LANCL2: variants seen among roughly 807,000 people sequenced by gnomAD.
LANCL2 encodes the protein lanC-like protein 2.
In LANCL2, 33 loss-of-function variants were observed where a neutral mutation model predicts 56.9. The ratio of observed to expected loss-of-function variants is 0.58; its 90% CI spans 0.44 to 0.78. The LOEUF (loss-of-function observed/expected upper bound fraction) is 0.78. LANCL2 is among the 30% of genes least tolerant of loss of function. The pLI is 0.00. For synonymous variants in LANCL2, 233 were observed against 228.2 expected (o/e 1.02, Z -0.19); for missense variants, 562 against 580.2 (o/e 0.97, Z 0.32).
At chr7:55,408,389 G>C (rs1319690132) in intron 5 of LANCL2, among the ~76,000 whole-genome samples, 2 of 152,020 alleles carry the variant, frequency 1.3e-5, no homozygotes. Context: ...GACATAGGCT[G>C]GGCGCAGTGG....
intron 3 of LANCL2, among the ~76,000 whole-genome samples, chr7:55,399,335 A>G (rs1401617976): frequency 2.2e-5 from 3 of 139,320 alleles, no homozygotes; most frequent in African/African-American, 7.9e-5. Flanking sequence ...CATTGGTGAC[A>G]TTGCAGTCCT....
intron 1 of LANCL2, among the ~76,000 whole-genome samples, chr7:55,378,530 A>G (rs1236257099): frequency 9.8e-6 from 1 of 102,104 alleles, no homozygotes; most frequent in Non-Finnish European, 2.0e-5. Flanking sequence ...ATATATATGT[A>G]TACGTGTGTG....
intron 1 of LANCL2, among the ~76,000 whole-genome samples, chr7:55,368,420 A>C (rs2128990592): frequency 6.6e-6 from 1 of 152,336 alleles, no homozygotes; most frequent in South Asian, 2.1e-4. Flanking sequence ...AATGGACATC[A>C]TATTATTCTT....
At chr7:55,371,650 GT>G (rs1789944761) in intron 1 of LANCL2, among the ~76,000 whole-genome samples, 1 of 152,084 alleles carries the variant, frequency 6.6e-6, no homozygotes, top group Non-Finnish European at 1.5e-5. Context: ...TCTTGTAGGA[GT>G]TTTATAGTTT....
In LANCL2 at chr7:55,365,989, A is replaced by T. The variant is rs962200044; in HGVS notation, c.-37A>T. 2.3e-5 allele frequency: 32 copies of T among 1,370,946 alleles called. No individual in the cohort carries two copies. The highest frequency in any genetic ancestry group is 3.0e-5 in the Non-Finnish European group (31 of 1,047,376). 84.9% of individuals were successfully genotyped at this position (1,370,946 alleles called of 1,614,324 possible). On this transcript the variant is annotated 5_prime_UTR_variant, in exon 1 of 9. Coordinates refer to ENST00000254770, the MANE Select transcript of LANCL2 (RefSeq NM_018697.4). ...GGGCGAGCTGCAGCGCCGGGACAGGAGGTTTGTCCCCGCCCGCGCGCCGTA... is the reference window on the plus strand; with the variant it reads ...GGGCGAGCTGCAGCGCCGGGACAGGTGGTTTGTCCCCGCCCGCGCGCCGTA...
chr7:55,413,304 A>C (rs1245908542), intron 6 of LANCL2, among the ~76,000 whole-genome samples: 1 of 152,244 alleles, frequency 6.6e-6, no homozygotes, highest in Non-Finnish European at 1.5e-5. Context: ...GTGTGAGCAC[A>C]ATATTGACTG....
At chr7:55,399,757 G>C (rs1307776443) in intron 3 of LANCL2, among the ~76,000 whole-genome samples, 200 bp from the exon 4 acceptor site, 11 of 152,132 alleles carry the variant, frequency 7.2e-5, no homozygotes, top group Admixed American at 7.2e-4. Context: ...AAGATGTTTT[G>C]TTTTTAATTT....
intron 1 of LANCL2, among the ~76,000 whole-genome samples, chr7:55,370,912 A>G (rs767473704): frequency 1.3e-5 from 2 of 152,242 alleles, no homozygotes; most frequent in Non-Finnish European, 2.9e-5. Context: ...TTAAAATTGT[A>G]TATTTAAGGT....
rs1211778618 is a variant in LANCL2 at position 55,366,112 on chromosome 7, G to C, written c.87G>C (p.Pro29=). 4.5e-6 allele frequency: 7 copies of C among 1,544,452 alleles called. No individual in the cohort carries two copies. The African/African-American group carries it at 9.7e-5, about 21-fold the overall frequency. Residue 29 remains proline, a synonymous_variant, in exon 1 of 9, where the codon CCG becomes CCC. Coordinates refer to ENST00000254770, the MANE Select transcript of LANCL2 (RefSeq NM_018697.4). ...MEERAFVNPF[P]DYEAAAGALL... is the part of the protein sequence containing the mutation. ...AACGGGCGTTCGTCAACCCCTTCCC[G>C]GACTACGAGGCCGCCGCCGGGGCGC...
intron 1 of LANCL2, among the ~76,000 whole-genome samples, chr7:55,373,738 C>A (rs1454940910): frequency 2.0e-5 from 3 of 151,986 alleles, no homozygotes; most frequent in African/African-American, 7.2e-5. Flanking sequence ...TTTAATGATA[C>A]AATTTTGTAT....
chr7:55,412,598 T>C (rs1019582521), intron 6 of LANCL2, among the ~76,000 whole-genome samples: 1 of 152,270 alleles, frequency 6.6e-6, no homozygotes, highest in Admixed American at 6.5e-5. Flanking sequence ...AAACCTTCAC[T>C]GATTAATTCT....
chr7:55,414,558 C>A (rs1301648564), intron 6 of LANCL2, among the ~76,000 whole-genome samples: 1 of 152,162 alleles, frequency 6.6e-6, no homozygotes, highest in South Asian at 2.1e-4. Context: ...TCCAGACTCA[C>A]AAAATTTATT....
rs1583740707 is a variant in LANCL2 at position 55,373,244 on chromosome 7, A to T, written c.204+7015A>T. ...TGAGAACAGGAATTTTTTCTTGAAC[A>T]TACTTGAGTTATTATTTTTTAATTT... On this transcript the variant is annotated intron_variant, in intron 1 of 8. Transcript: ENST00000254770. 2.0e-5 allele frequency among the ~76,000 whole-genome samples: 3 copies of T among 151,704 alleles called. No individual in the cohort carries two copies. The East Asian group carries it at 5.8e-4, about 29-fold the overall frequency.
intron 1 of LANCL2, among the ~76,000 whole-genome samples, chr7:55,378,652 A>G (rs114711915): frequency 0.012 from 1,827 of 152,302 alleles, 39 homozygotes; most frequent in African/African-American, 0.04. Context: ...ACAGCATAAT[A>G]AATTTTCTTT....
At chr7:55,399,925 C>T in intron 3 of LANCL2, 32 bp from the exon 4 acceptor site, 1 of 1,586,204 alleles carries the variant, frequency 6.3e-7, no homozygotes, top group Non-Finnish European at 8.6e-7. Flanking sequence ...TAGACTTCCA[C>T]TGGGAAAAAA....
chr7:55,418,353 A>G (rs1234710106), intron 6 of LANCL2, among the ~76,000 whole-genome samples: 2 of 151,344 alleles, frequency 1.3e-5, no homozygotes, highest in African/African-American at 2.4e-5. Context: ...TAATTTTTGT[A>G]TTTTTTTGTA....
intron 2 of LANCL2, among the ~76,000 whole-genome samples, chr7:55,395,108 A>G (rs1012450944): frequency 6.6e-6 from 1 of 152,234 alleles, no homozygotes; most frequent in Admixed American, 6.5e-5. Flanking sequence ...GCAAGAGGAC[A>G]CTGTTGGGAT....
chr7:55,410,081 C>T (rs1583759823), intron 5 of LANCL2, among the ~76,000 whole-genome samples: 1 of 152,238 alleles, frequency 6.6e-6, no homozygotes, highest in South Asian at 2.1e-4. Flanking sequence ...CAGGGCACAG[C>T]CATGCATGGA....
intron 2 of LANCL2, among the ~76,000 whole-genome samples, chr7:55,395,831 G>A (rs747490122): frequency 1.3e-5 from 2 of 152,172 alleles, no homozygotes; most frequent in Non-Finnish European, 2.9e-5. Flanking sequence ...GTCATGCATC[G>A]CTTCACATCA....
Sources: gnomAD v4.1 joint callset for allele counts (sites outside exome capture counted in the v4.1 genomes callset) on GRCh38, gnomAD v4.1.1 for gene constraint, MANE v1.5 for transcripts, NCBI Gene and HGNC (gene_info 2026-07-23, HGNC 2026-07-21) for gene names.